Variants in KMT2E observed in about 807,000 individuals in gnomAD.
KMT2E encodes histone reader KMT2E.
KMT2E carries 30 observed loss-of-function variants against 184.6 expected under a neutral mutation model. That is an observed-to-expected ratio of 0.16 (90% CI 0.12 to 0.22). KMT2E has a LOEUF of 0.22. Among genes scored for constraint, KMT2E ranks in the 10% least tolerant of loss-of-function variants. KMT2E has a pLI of 1.00. For missense variants in KMT2E, 2,023 were observed against 2,237.4 expected, an observed-to-expected ratio of 0.90 and a Z score of 1.93; for synonymous variants, 815 against 776.5, an observed-to-expected ratio of 1.05 and a Z score of -0.82.
rs369384474 is a variant in KMT2E, at chr7:105,109,231, A to G, written c.3755+3A>G. 3.1e-6 allele frequency: 5 copies of G among 1,612,840 alleles called. No homozygotes were observed. Among genetic ancestry groups the G allele is most frequent in the African/African-American group, 1.3e-5 (1 of 74,912 alleles). ...AAGAATGAACCAGAAGTTCAATGGT[A>G]AGCCCATTGTGAAGTATGCTACTCT... On this transcript the variant is annotated splice_donor_region_variant and intron_variant, in intron 23 of 26. Coordinates refer to ENST00000311117, the MANE Select transcript of KMT2E (RefSeq NM_182931.3).
chr7:105,072,484 A>G (rs542552187), intron 6 of KMT2E, among the ~76,000 whole-genome samples: 1 of 152,328 alleles, frequency 6.6e-6, no homozygotes, highest in Non-Finnish European at 1.5e-5. Context: ...AATTCTAATA[A>G]TCTAGAGCTC....
chr7:105,078,978 AT>A lies in KMT2E; in HGVS notation c.1248+21del. The A allele has an allele frequency of 2.0e-6, 3 of 1,479,608 alleles. No homozygotes were observed. The South Asian group carries it at 3.4e-5, about 17-fold the overall frequency. The allele number at this position is 1,479,608 out of a possible 1,614,324, so 91.7% of individuals were successfully genotyped here. ...CCAATGCAGAGGTAAGCTTATAGAA[AT>A]TTTTTGGGGAGATGTGGGTGCTGGG... On this transcript the variant is annotated intron_variant, in intron 12 of 26. Coordinates refer to ENST00000311117, the MANE Select transcript of KMT2E (RefSeq NM_182931.3).
chr7:105,031,969 G>T (rs940651187), intron 1 of KMT2E, among the ~76,000 whole-genome samples: 8 of 148,106 alleles, frequency 5.4e-5, no homozygotes, highest in African/African-American at 1.7e-4. Context: ...TTAGGAGGCT[G>T]AGGCGGGATA....
chr7:105,046,173 T>C (rs913045966), intron 3 of KMT2E, among the ~76,000 whole-genome samples: 3 of 152,168 alleles, frequency 2.0e-5, no homozygotes, highest in Non-Finnish European at 2.9e-5. Context: ...CTTCTTTCCC[T>C]CGTCCTCTCT....
chr7:105,090,108 G>T lies in KMT2E; in HGVS notation c.1458G>T (p.Glu486Asp), dbSNP rs573761465. The T allele has an allele frequency of 2.5e-6, 4 of 1,613,466 alleles. No homozygotes were observed. The African/African-American group carries it at 4.0e-5, about 16-fold the overall frequency. ...ESMENINSGYETRRKKGKKDK... is the reference protein window; with the variant it reads ...ESMENINSGYDTRRKKGKKDK... ...TGGAAAATATCAATAGTGGTTATGA[G>T]ACCAGACGGAAAAAAGGAAAAAAAG... Residue 486 changes from glutamate (E) to aspartate (D), a missense_variant, in exon 14 of 27, where the codon GAG becomes GAT. Physicochemically the swap from Glu to Asp is conservative, Grantham distance 45 (BLOSUM62 2). Coordinates refer to ENST00000311117, the MANE Select transcript of KMT2E (RefSeq NM_182931.3).
At chr7:105,054,264 CAA>C (rs965672975) in intron 3 of KMT2E, among the ~76,000 whole-genome samples, 3 of 151,528 alleles carry the variant, frequency 2.0e-5, no homozygotes, top group Non-Finnish European at 2.9e-5. Flanking sequence ...ATAGATTCAT[CAA>C]AGTCTTTTAT....
intron 3 of KMT2E, among the ~76,000 whole-genome samples, chr7:105,061,126 TGA>T (rs1562899097): frequency 6.6e-6 from 1 of 152,016 alleles, no homozygotes; most frequent in African/African-American, 2.4e-5. Context: ...CAGCAGCCAC[TGA>T]GAGCTAAATT....
chr7:105,068,643 T>TG (rs1208935159), intron 6 of KMT2E, among the ~76,000 whole-genome samples: 5 of 146,852 alleles, frequency 3.4e-5, no homozygotes, highest in African/African-American at 1.3e-4. Context: ...TTTTTTGTTT[T>TG]TTTTTTTTTT....
Position 105,107,189 on chromosome 7 carries a change from T to C in KMT2E, c.2871T>C (p.Ser957=). ...HFENISSPES[S]PEIKRRTYSQ... ...AGAATATTTCTTCCCCAGAAAGTTC[T>C]CCAGAAATAAAGAGACGCACTTATA... Residue 957 remains serine (S), a synonymous_variant, in exon 21 of 27, where the codon TCT becomes TCC. Coordinates refer to ENST00000311117, the MANE Select transcript of KMT2E (RefSeq NM_182931.3). 1 of 1,550,108 alleles carries C rather than the reference T, an allele frequency of 6.5e-7. No homozygotes were observed. The highest frequency in any genetic ancestry group is 8.8e-7 in the Non-Finnish European group (1 of 1,139,896).
At chr7:105,072,747 C>T (rs1562907505) in intron 6 of KMT2E, among the ~76,000 whole-genome samples, 1 of 151,930 alleles carries the variant, frequency 6.6e-6, no homozygotes, top group Non-Finnish European at 1.5e-5. Context: ...GAAACCCCGT[C>T]TCTACTATAA....
rs574139081 is a variant in KMT2E at position 105,106,712 on chromosome 7, C to T, written c.2787C>T (p.Pro929=). Residue 929 remains proline (P), a synonymous_variant, in exon 20 of 27, where the codon CCC becomes CCT. Coordinates refer to ENST00000311117, the MANE Select transcript of KMT2E (RefSeq NM_182931.3). The stretch of plus-strand genomic sequence containing the variant: ...AAACTTGTAGAAATGGTTATAAACC[C>T]ATATATTCACCAGTTACCCCAGTAA... ...DDETCRNGYK[P]IYSPVTPVTP... 9.9e-6 allele frequency: 16 copies of T among 1,613,508 alleles called. No homozygotes were observed. In the South Asian group the frequency reaches 1.6e-4, roughly 17 times the overall value.
chr7:105,066,840 A>C (rs1410688967), intron 6 of KMT2E, 33 bp downstream of exon 6: 1 of 1,383,576 alleles, frequency 7.2e-7, no homozygotes, highest in East Asian at 2.3e-5. Flanking sequence ...CATTGCCAGT[A>C]ATTTTACTGA....
rs775751454 is a variant in KMT2E, at chr7:105,113,200, C to T, written c.5444C>T (p.Pro1815Leu). ...ACTGCTTCAGGGTTCTGTCCTCATC[C>T]TGGCTCTGTGGCCCTGCCACATGGG... Reference protein sequence around the residue: ...TPTASGFCPHPGSVALPHGVQ... With the variant: ...TPTASGFCPHLGSVALPHGVQ... The change falls in exon 27 of 27, where the codon CCT (proline) becomes CTT (leucine). Residue 1815 changes from proline to leucine, a missense_variant. Transcript: ENST00000311117. 16 of 1,614,222 alleles carry T rather than the reference C, an allele frequency of 9.9e-6. No homozygotes were observed. In the South Asian group the frequency reaches 1.3e-4, roughly 13 times the overall value.
At chr7:105,108,634 A>G in intron 22 of KMT2E, 3 of 463,302 alleles carry the variant, frequency 6.5e-6, no homozygotes, top group South Asian at 1.6e-5. Context: ...CCCGGCTCCA[A>G]CACTCACCAG....
intron 1 of KMT2E, among the ~76,000 whole-genome samples, chr7:105,018,769 T>G (rs12532062): frequency 0.19 from 29,098 of 151,992 alleles, 3,564 homozygotes; most frequent in East Asian, 0.58. Flanking sequence ...GTGCAGATGT[T>G]GGGAGGAGCC....
At chr7:105,058,681 A>G (rs1197344106) in intron 3 of KMT2E, among the ~76,000 whole-genome samples, 1 of 152,194 alleles carries the variant, frequency 6.6e-6, no homozygotes, top group Non-Finnish European at 1.5e-5. Flanking sequence ...GACTTCATCT[A>G]CAAATTATGG....
At chr7:105,047,598 C>T (rs922977521) in intron 3 of KMT2E, among the ~76,000 whole-genome samples, 1 of 152,188 alleles carries the variant, frequency 6.6e-6, no homozygotes, top group Admixed American at 6.6e-5. Context: ...ACATGTGTTA[C>T]TGCATTATTT....
At chr7:105,024,862 A>G (rs570557367) in intron 1 of KMT2E, among the ~76,000 whole-genome samples, 2 of 152,268 alleles carry the variant, frequency 1.3e-5, no homozygotes, top group Admixed American at 6.5e-5. Flanking sequence ...TACAGTGTCA[A>G]ATGACAGACT....
At chr7:105,036,275 C>T (rs914877859) in intron 1 of KMT2E, among the ~76,000 whole-genome samples, 40 of 150,198 alleles carry the variant, frequency 2.7e-4, no homozygotes, top group African/African-American at 2.7e-4. Flanking sequence ...TGGGTTCAAG[C>T]GATTCTCGTG....
Sources: allele counts gnomAD v4.1 joint callset (sites outside exome capture counted in the v4.1 genomes callset), GRCh38; gene constraint gnomAD v4.1.1; transcripts MANE v1.5; gene names NCBI Gene and HGNC (gene_info 2026-07-23, HGNC 2026-07-21).